The following ZNF493 variants were observed in gnomAD, a reference collection of about 807,000 sequenced individuals.
ZNF493 encodes zinc finger protein 493.
ZNF493 carries 11 observed loss-of-function variants against 12.2 expected under a neutral mutation model. The ratio of observed to expected loss-of-function variants is 0.90; its 90% confidence interval spans 0.57 to 1.50. The LOEUF (loss-of-function observed/expected upper bound fraction) is 1.50. Ranked by LOEUF, ZNF493 falls within the 40% of genes most tolerant of loss-of-function variation. The pLI is 0.00. For synonymous variants in ZNF493, 286 were observed against 302.6 expected (o/e 0.95, Z 0.57); for missense variants, 950 against 906.6 (o/e 1.05, Z -0.61).
intron 3 of ZNF493, among the ~76,000 whole-genome samples, chr19:21,409,967 G>A (rs1408241960): frequency 6.6e-6 from 1 of 150,724 alleles, no homozygotes; most frequent in Non-Finnish European, 1.5e-5. Context: ...TCATCATTTT[G>A]TTTCTGGCAT....
chr19:21,409,789 G>A (rs1226779871), intron 3 of ZNF493, among the ~76,000 whole-genome samples: 8 of 152,034 alleles, frequency 5.3e-5, no homozygotes, highest in Admixed American at 5.2e-4. Flanking sequence ...TATTCACATT[G>A]TTATGCAAAA....
At chr19:21,399,714 GT>G (rs199996804) in intron 1 of ZNF493, among the ~76,000 whole-genome samples, 1 of 151,718 alleles carries the variant, frequency 6.6e-6, no homozygotes, top group African/African-American at 2.4e-5. Flanking sequence ...TCTCAGGTGT[GT>G]TTTTTTTATA....
chr19:21,412,986 A>T (rs1014171121), intron 3 of ZNF493: 1 of 388,916 alleles, frequency 2.6e-6, no homozygotes, highest in African/African-American at 2.1e-5. Flanking sequence ...CATACTTCTT[A>T]TCATTTCTAT....
chr19:21,402,055 C>T (rs1184897047), intron 1 of ZNF493, among the ~76,000 whole-genome samples: 1 of 152,154 alleles, frequency 6.6e-6, no homozygotes, highest in African/African-American at 2.4e-5. Context: ...GCAACCTCCA[C>T]CTCATGGGTT....
At chr19:21,401,226 C>G (rs1004120849) in intron 1 of ZNF493, among the ~76,000 whole-genome samples, 12 of 151,908 alleles carry the variant, frequency 7.9e-5, no homozygotes, top group African/African-American at 2.9e-4. Flanking sequence ...TGGTTTTTGT[C>G]TTTAGTTCTG....
intron 3 of ZNF493, among the ~76,000 whole-genome samples, chr19:21,410,608 A>G (rs1042603505): frequency 6.6e-6 from 1 of 152,196 alleles, no homozygotes; most frequent in South Asian, 2.1e-4. Context: ...CTACTATCAC[A>G]TATGATTTTT....
chr19:21,425,765 A>T lies in ZNF493; in HGVS notation c.*781A>T. ...AACATAAGATAACTCATACTGGAGAAAAATCTTACAAATGTGAAGAATGTG... is the reference window on the plus strand; with the variant it reads ...AACATAAGATAACTCATACTGGAGATAAATCTTACAAATGTGAAGAATGTG... On this transcript the variant is annotated 3_prime_UTR_variant, in exon 4 of 4. Coordinates refer to ENST00000392288, the MANE Select transcript of ZNF493 (RefSeq NM_001076678.3). 1.7e-6 allele frequency: 1 copy of T among 581,868 alleles called. No homozygotes were observed. The highest frequency in any genetic ancestry group is 4.9e-5 in the East Asian group (1 of 20,306). The allele number at this position is 581,868 out of a possible 1,614,324, so 36.0% of individuals were successfully genotyped here.
intron 3 of ZNF493, chr19:21,413,266 G>A (rs1279711644): frequency 2.5e-6 from 1 of 399,014 alleles, no homozygotes; most frequent in Non-Finnish European, 4.4e-6. Flanking sequence ...TAAATACTGA[G>A]ATAAGAAAGC....
chr19:21,410,621 A>AT (rs1193855404), intron 3 of ZNF493, among the ~76,000 whole-genome samples: 3 of 151,920 alleles, frequency 2.0e-5, no homozygotes, highest in African/African-American at 7.2e-5. Context: ...TGATTTTTGA[A>AT]TTTTCTTAAT....
Position 21,405,851 on chromosome 19 carries a change from C to G in ZNF493, c.248C>G (p.Pro83Arg). ...AAGGGACACAGTACGGTAGTCAAAC[C>G]CCCAGGTAGGTGAGAGTGAATGAAA... Reference protein sequence around the residue: ...NMKGHSTVVKPPVICSHFAED... With the variant: ...NMKGHSTVVKRPVICSHFAED... Residue 83 changes from proline (P) to arginine (R), a missense_variant, in exon 3 of 4, where the codon CCC becomes CGC. Coordinates refer to ENST00000392288, the MANE Select transcript of ZNF493 (RefSeq NM_001076678.3). The G allele has an allele frequency of 6.4e-7, 1 of 1,569,286 alleles. No homozygotes were observed. The highest frequency in any genetic ancestry group is 2.3e-5 in the East Asian group (1 of 43,176).
intron 3 of ZNF493, among the ~76,000 whole-genome samples, chr19:21,409,524 A>C (rs913925208): frequency 1.3e-5 from 2 of 151,676 alleles, no homozygotes; most frequent in Non-Finnish European, 2.9e-5. Context: ...CAGGAAGATC[A>C]CTTGAGCCCA....
At chr19:21,420,591 TTATATATATATATATATA>T (rs1181856505) in intron 3 of ZNF493, among the ~76,000 whole-genome samples, 6 of 10,682 alleles carry the variant, frequency 5.6e-4, no homozygotes, top group Non-Finnish European at 1.0e-3. Context: ...ACTCACTTGA[TTATATATATATATATATA>T]TATATATATA....
chr19:21,419,442 G>A (rs374332718), intron 3 of ZNF493, among the ~76,000 whole-genome samples: 14 of 152,304 alleles, frequency 9.2e-5, no homozygotes, highest in African/African-American at 3.1e-4. Context: ...CAGGCCGTCT[G>A]CAAGCTGAGG....
rs1177388131 is a variant in ZNF493, at chr19:21,427,026, C to G, written c.*2042C>G. On this transcript the variant is annotated 3_prime_UTR_variant, in exon 4 of 4. Transcript: ENST00000392288. ...AACTCATTATTTTCTGCTGTTTCTT[C>G]ATTCTTATTCACTTGTGAAAGCTTG... 1.8e-5 allele frequency: 3 copies of G among 166,914 alleles called. No individual in the cohort carries two copies. The highest frequency in any genetic ancestry group is 4.4e-5 in the Non-Finnish European group (3 of 68,082). 10.3% of individuals were successfully genotyped at this position (166,914 alleles called of 1,614,324 possible). A position where few individuals can be genotyped will look rare whatever the true frequency, so the allele number is the denominator to read the frequency against.
At chr19:21,409,159 G>A (rs1298240783) in intron 3 of ZNF493, among the ~76,000 whole-genome samples, 2 of 152,050 alleles carry the variant, frequency 1.3e-5, no homozygotes, top group Admixed American at 6.6e-5. Flanking sequence ...GCTGGGATCA[G>A]AGATGTGAGC....
Position 21,423,501 on chromosome 19 carries a change from C to T in ZNF493, c.842C>T (p.Thr281Ile), listed in dbSNP as rs772387478. Reference protein sequence around the residue: ...GTSFYQFSYLTRHKLIHTREK... With the variant: ...GTSFYQFSYLIRHKLIHTREK... ...TCTTTCTACCAATTCTCATACCTTA[C>T]TAGGCATAAGCTAATTCATACTAGA... Residue 281 changes from threonine to isoleucine, a missense_variant, in exon 4 of 4, where the codon ACT becomes ATT. Physicochemically the swap from Thr to Ile is moderately conservative, Grantham distance 89. Transcript: ENST00000392288. 1 of 1,613,636 alleles carries T rather than the reference C, an allele frequency of 6.2e-7. No individual in the cohort carries two copies. The highest frequency in any genetic ancestry group is 1.7e-5 in the Admixed American group (1 of 59,986).
At chr19:21,418,526 G>T (rs980486796) in intron 3 of ZNF493, among the ~76,000 whole-genome samples, 1 of 152,086 alleles carries the variant, frequency 6.6e-6, no homozygotes, top group Non-Finnish European at 1.5e-5. Flanking sequence ...CATGATGGAC[G>T]CCACTTGCTG....
At chr19:21,397,495 G>A in intron 1 of ZNF493, 1 of 621,016 alleles carries the variant, frequency 1.6e-6, no homozygotes, top group South Asian at 1.9e-5. Context: ...ACTGTGCCCT[G>A]CCTGGAGTCC....
Position 21,424,299 on chromosome 19 carries a change from G to A in ZNF493, c.1640G>A (p.Cys547Tyr), listed in dbSNP as rs1206465088. The A allele has an allele frequency of 2.5e-6, 4 of 1,613,480 alleles. No homozygotes were observed. Among genetic ancestry groups the A allele is most frequent in the African/African-American group, 1.3e-5 (1 of 74,870 alleles). ...MIHTGEKPYK[C>Y]EECGKAFNRS... is the part of the protein sequence containing the mutation. ...CACACTGGAGAAAAACCCTACAAAT[G>A]TGAAGAATGTGGCAAAGCTTTTAAT... is the stretch of plus-strand genomic sequence containing the variant. Residue 547 changes from cysteine to tyrosine, a missense_variant, in exon 4 of 4, where the codon TGT becomes TAT. Transcript: ENST00000392288.
Sources: allele counts gnomAD v4.1 joint callset (sites outside exome capture counted in the v4.1 genomes callset), GRCh38; gene constraint gnomAD v4.1.1; transcripts MANE v1.5; gene names NCBI Gene and HGNC (gene_info 2026-07-23, HGNC 2026-07-21).